The following ADAM12 variants were observed in gnomAD, a reference collection of about 807,000 sequenced individuals.
ADAM12 encodes ADAM metallopeptidase domain 12.
ADAM12 carries 70 observed loss-of-function variants against 106.4 expected under a neutral mutation model. The observed-to-expected ratio is 0.66, with a 90% CI of 0.54 to 0.80. ADAM12 has a LOEUF of 0.80. ADAM12 is among the 30% of genes least tolerant of loss of function. The pLI is 0.00. For synonymous variants in ADAM12, 420 were observed against 433.5 expected, an observed-to-expected ratio of 0.97 and a Z score of 0.39; for missense variants, 1,010 against 1,171.9, an observed-to-expected ratio of 0.86 and a Z score of 2.02.
rs1008566639 is a variant in ADAM12 at position 126,026,456 on chromosome 10, C to T, written c.2530-6631G>A. Among the ~76,000 whole-genome samples the T allele has an allele frequency of 2.0e-5, 3 of 152,274 alleles. No individual in the cohort carries two copies. In the Middle Eastern group the frequency reaches 0.01, roughly 518 times the overall value. On this transcript the variant is annotated intron_variant, in intron 21 of 22. Coordinates refer to ENST00000448723, the MANE Select transcript of ADAM12 (RefSeq NM_001288973.2). Reference sequence around the variant, plus strand: ...TGTTATACAACTACAGAACTGTCCACCCAAAACCAACAATCTACATTCTTA... The same window carrying T: ...TGTTATACAACTACAGAACTGTCCATCCAAAACCAACAATCTACATTCTTA...
At position 126,087,174 on chromosome 10, in the gene ADAM12, T is replaced by C. The variant is rs191550841; in HGVS notation, c.1145+6811A>G. Reference sequence around the variant, plus strand: ...AGCCTCCCGAGCTTGACCTCTATTTTGTGTACAGCTTAACGGGGAGGACAA... The same window carrying C: ...AGCCTCCCGAGCTTGACCTCTATTTCGTGTACAGCTTAACGGGGAGGACAA... On this transcript the variant is annotated intron_variant, in intron 11 of 22. Coordinates refer to ENST00000448723, the MANE Select transcript of ADAM12 (RefSeq NM_001288973.2). 4.7e-3 allele frequency among the ~76,000 whole-genome samples: 722 copies of C among 152,302 alleles called. 1 individual carries two copies. The highest frequency in any genetic ancestry group is 0.01 in the Middle Eastern group (3 of 294).
At chr10:126,297,093 C>A (rs1267806899) in intron 2 of ADAM12, among the ~76,000 whole-genome samples, 3 of 152,086 alleles carry the variant, frequency 2.0e-5, no homozygotes, top group African/African-American at 7.3e-5. Flanking sequence ...AACAGTTTTC[C>A]TACTCCTTAA....
chr10:126,180,263 C>T (rs1164482057), intron 3 of ADAM12, among the ~76,000 whole-genome samples: 3 of 152,182 alleles, frequency 2.0e-5, no homozygotes, highest in East Asian at 1.9e-4. Flanking sequence ...AGGTTTGAAT[C>T]CGAGCTTTCT....
chr10:126,188,238 G>A (rs1420503191), intron 3 of ADAM12, among the ~76,000 whole-genome samples: 1 of 152,156 alleles, frequency 6.6e-6, no homozygotes. Context: ...GCCTCAAAGT[G>A]GAATCTAAGC....
chr10:126,211,506 C>G (rs763665981), intron 3 of ADAM12, among the ~76,000 whole-genome samples: 4 of 152,148 alleles, frequency 2.6e-5, no homozygotes, highest in Non-Finnish European at 5.9e-5. Flanking sequence ...CCACGTGATC[C>G]TCGACCTGCC....
Position 126,296,557 on chromosome 10 carries a change from T to C in ADAM12, c.187-17569A>G, listed in dbSNP as rs1006276006. ...CCCCTGTTCCCTCAGCTGTTCTCCC[T>C]GCCACGTGGTTACAGACCAGCCTCT... is the stretch of plus-strand genomic sequence containing the variant. On this transcript the variant is annotated intron_variant, in intron 2 of 22. Coordinates refer to ENST00000448723, the MANE Select transcript of ADAM12 (RefSeq NM_001288973.2). 5.9e-5 allele frequency among the ~76,000 whole-genome samples: 9 copies of C among 152,334 alleles called. No homozygotes were observed. In the South Asian group the frequency reaches 1.4e-3, roughly 25 times the overall value.
intron 8 of ADAM12, among the ~76,000 whole-genome samples, chr10:126,102,023 C>T (rs1676704): frequency 1.3e-5 from 2 of 152,184 alleles, no homozygotes; most frequent in Non-Finnish European, 2.9e-5. Context: ...TGACTTCAGC[C>T]TATGGCCCAT....
At chr10:126,020,761 C>A (rs1190225923) in intron 21 of ADAM12, among the ~76,000 whole-genome samples, 1 of 151,940 alleles carries the variant, frequency 6.6e-6, no homozygotes, top group African/African-American at 2.4e-5. Context: ...GAGGCCGAGG[C>A]GGGCGGATCA....
chr10:126,331,980 G>C (rs1854528699), intron 1 of ADAM12, among the ~76,000 whole-genome samples: 1 of 152,166 alleles, frequency 6.6e-6, no homozygotes, highest in Non-Finnish European at 1.5e-5. Context: ...TGGAGATCTT[G>C]AGTAAGTGTG....
intron 3 of ADAM12, among the ~76,000 whole-genome samples, chr10:126,186,398 G>T (rs541863346): frequency 3.9e-5 from 6 of 152,160 alleles, no homozygotes; most frequent in African/African-American, 1.2e-4. Flanking sequence ...GCCTGGCTGG[G>T]CAGTAATCTG....
intron 8 of ADAM12, among the ~76,000 whole-genome samples, chr10:126,105,396 C>T (rs1189268409): frequency 5.9e-5 from 9 of 152,170 alleles, no homozygotes; most frequent in African/African-American, 1.7e-4. Context: ...AAGAAGAACT[C>T]GTGTTTTCTT....
intron 2 of ADAM12, among the ~76,000 whole-genome samples, chr10:126,301,963 T>C (rs1034745038): frequency 3.3e-5 from 5 of 152,214 alleles, no homozygotes; most frequent in Admixed American, 1.3e-4. Context: ...GCATGTATCA[T>C]GACCGTGGGA....
At chr10:126,284,428 A>C (rs1384627497) in intron 2 of ADAM12, among the ~76,000 whole-genome samples, 1 of 150,696 alleles carries the variant, frequency 6.6e-6, no homozygotes. Context: ...CATGTGTCTC[A>C]TTGTCTGTCC....
intron 3 of ADAM12, among the ~76,000 whole-genome samples, chr10:126,180,591 A>C (rs1337229248): frequency 6.6e-6 from 1 of 152,232 alleles, no homozygotes; most frequent in African/African-American, 2.4e-5. Flanking sequence ...GATAAGCCCC[A>C]GTGTCTGTCT....
intron 1 of ADAM12, among the ~76,000 whole-genome samples, chr10:126,366,566 T>C (rs1269441517): frequency 6.6e-6 from 1 of 152,152 alleles, no homozygotes; most frequent in Non-Finnish European, 1.5e-5. Context: ...ATAATGAACG[T>C]AATTCTCCAT....
chr10:126,205,390 A>C (rs185672455), intron 3 of ADAM12, among the ~76,000 whole-genome samples: 92 of 152,294 alleles, frequency 6.0e-4, no homozygotes, highest in African/African-American at 2.1e-3. Flanking sequence ...CTCTTAAGTT[A>C]GAATAGCTGA....
chr10:126,247,136 G>A (rs1010512948), intron 3 of ADAM12, among the ~76,000 whole-genome samples: 1 of 152,282 alleles, frequency 6.6e-6, no homozygotes, highest in South Asian at 2.1e-4. Context: ...GTATCTGAGA[G>A]TGGTTTCTAA....
intron 1 of ADAM12, among the ~76,000 whole-genome samples, chr10:126,343,858 C>T (rs1170898082): frequency 1.3e-5 from 2 of 152,128 alleles, no homozygotes; most frequent in African/African-American, 2.4e-5. Flanking sequence ...TATCCTTCAC[C>T]CACTTTTTGA....
chr10:126,118,204 T>C lies in ADAM12; in HGVS notation c.437A>G (p.Asn146Ser), dbSNP rs1410829850. The change falls in exon 6 of 23, where the codon AAT becomes AGT. Residue 146 changes from asparagine (N) to serine (S), a missense_variant. Physicochemically the swap from Asn to Ser is conservative, Grantham distance 46. Around this residue, in one of 3 missense-constraint regions of ADAM12, gnomAD observed 391 missense variants for 442.9 expected, o/e 0.88. Coordinates refer to ENST00000448723, the MANE Select transcript of ADAM12 (RefSeq NM_001288973.2). ...SGLRGLIVFE[N>S]ESYVLEPMKS... ...CATTGGTTCTAAGACATAGCTTTCA[T>C]TTTCAAACACAATAAGTCCCCTGTT... The C allele has an allele frequency of 6.2e-7, 1 of 1,613,864 alleles. No individual in the cohort carries two copies. The highest frequency in any genetic ancestry group is 1.7e-5 in the Admixed American group (1 of 60,000).
Sources: allele counts gnomAD v4.1 joint callset (sites outside exome capture counted in the v4.1 genomes callset), GRCh38; gene constraint gnomAD v4.1.1; regional missense constraint gnomAD v4.1.1; transcripts MANE v1.5; gene names NCBI Gene and HGNC (gene_info 2026-07-23, HGNC 2026-07-21).